EYS: variants seen among roughly 807,000 people sequenced by gnomAD.
EYS encodes the protein protein eyes shut homolog.
In EYS, 250 loss-of-function variants were observed where a neutral mutation model predicts 282.1. The ratio of observed to expected loss-of-function variants is 0.89; its 90% confidence interval spans 0.80 to 0.98. The LOEUF (loss-of-function observed/expected upper bound fraction) is 0.98, where lower values mean the gene tolerates loss of function less well. Ranked by LOEUF, EYS falls within the 50% of genes least tolerant of loss-of-function variation. EYS has a pLI of 0.00. For synonymous variants in EYS, 1,355 were observed against 1,282.9 expected, an observed-to-expected ratio of 1.06 and a Z score of -1.20; for missense variants, 4,016 against 3,709.0, an observed-to-expected ratio of 1.08 and a Z score of -2.15.
intron 22 of EYS, among the ~76,000 whole-genome samples, chr6:64,775,579 T>A (rs1274495292): frequency 3.3e-5 from 5 of 152,070 alleles, no homozygotes; most frequent in Non-Finnish European, 7.4e-5. Flanking sequence ...TTCATGTTAA[T>A]CCTCTTTTCT....
chr6:65,232,236 C>A (rs79384338), intron 12 of EYS, among the ~76,000 whole-genome samples: 5,592 of 151,970 alleles, frequency 0.037, 335 homozygotes, highest in African/African-American at 0.12. Context: ...ACTGTGGGTG[C>A]AGATATAATG....
chr6:63,952,756 C>G (rs909144946), intron 35 of EYS, among the ~76,000 whole-genome samples: 1 of 152,170 alleles, frequency 6.6e-6, no homozygotes, highest in African/African-American at 2.4e-5. Context: ...CCTTGTATCT[C>G]CCCACCTTAA....
chr6:64,185,130 C>T (rs1341476048), intron 31 of EYS, among the ~76,000 whole-genome samples: 1 of 152,046 alleles, frequency 6.6e-6, no homozygotes, highest in Non-Finnish European at 1.5e-5. Flanking sequence ...CCAAATCTGC[C>T]AGTACCTTGC....
intron 22 of EYS, among the ~76,000 whole-genome samples, chr6:64,706,207 A>C (rs889545186): frequency 1.3e-5 from 2 of 152,086 alleles, no homozygotes; most frequent in Admixed American, 1.3e-4. Context: ...GCAAACAAAA[A>C]CATTAAGTGG....
At chr6:64,980,364 C>T (rs995041863) in intron 14 of EYS, among the ~76,000 whole-genome samples, 1 of 151,320 alleles carries the variant, frequency 6.6e-6, no homozygotes, top group African/African-American at 2.4e-5. Flanking sequence ...GAAATGGCCC[C>T]AATTTGTGAT....
rs111925836 is a variant in EYS at position 64,652,535 on chromosome 6, G to C, written c.3444-26290C>G. On this transcript the variant is annotated intron_variant, in intron 22 of 42. Coordinates refer to ENST00000503581, the MANE Select transcript of EYS (RefSeq NM_001142800.2). ...GGAAGGAAACCCTAAGGCCTAGAGAGAAACTACAACCCCAACAAACACTCT... is the reference window on the plus strand; with the variant it reads ...GGAAGGAAACCCTAAGGCCTAGAGACAAACTACAACCCCAACAAACACTCT... 5.6e-3 allele frequency among the ~76,000 whole-genome samples: 856 copies of C among 152,220 alleles called. 14 individuals carry two copies. The highest frequency in any genetic ancestry group is 0.01 in the Middle Eastern group (3 of 294).
At chr6:65,181,434 G>T (rs1581989897) in intron 12 of EYS, among the ~76,000 whole-genome samples, 1 of 152,286 alleles carries the variant, frequency 6.6e-6, no homozygotes, top group East Asian at 1.9e-4. Context: ...AGACATTTAT[G>T]CAGCCAAAAG....
At chr6:63,835,283 T>C (rs1771773642) in intron 36 of EYS, among the ~76,000 whole-genome samples, 1 of 151,302 alleles carries the variant, frequency 6.6e-6, no homozygotes, top group Non-Finnish European at 1.5e-5. Flanking sequence ...ATATATACTC[T>C]CTATATACTA....
intron 22 of EYS, among the ~76,000 whole-genome samples, chr6:64,660,275 A>C (rs1465226934): frequency 6.6e-6 from 1 of 152,108 alleles, no homozygotes; most frequent in Non-Finnish European, 1.5e-5. Flanking sequence ...CCCACAGCCA[A>C]TATCATACTG....
At chr6:64,080,300 C>T (rs373648682) in intron 32 of EYS, among the ~76,000 whole-genome samples, 161 of 151,778 alleles carry the variant, frequency 1.1e-3, no homozygotes, top group Non-Finnish European at 1.5e-3. Flanking sequence ...TGCATTTCTC[C>T]GATGGCCAGT....
chr6:64,109,005 G>A (rs1038990188), intron 31 of EYS, among the ~76,000 whole-genome samples: 2 of 152,036 alleles, frequency 1.3e-5, no homozygotes, highest in Non-Finnish European at 2.9e-5. Context: ...TAAAGGTCAC[G>A]TAACACTCTC....
intron 31 of EYS, among the ~76,000 whole-genome samples, chr6:64,155,034 G>A (rs1029107683): frequency 6.6e-6 from 1 of 152,140 alleles, no homozygotes; most frequent in South Asian, 2.1e-4. Flanking sequence ...GCTTTCTAAA[G>A]GGCTCCAGAG....
chr6:65,340,986 A>G (rs961624242), intron 10 of EYS, among the ~76,000 whole-genome samples: 3 of 151,074 alleles, frequency 2.0e-5, no homozygotes, highest in African/African-American at 7.3e-5. Context: ...TTTTTCATCA[A>G]CTTCACAAAT....
intron 14 of EYS, among the ~76,000 whole-genome samples, chr6:64,962,838 AT>A (rs1769970554): frequency 6.6e-6 from 1 of 152,198 alleles, no homozygotes; most frequent in Non-Finnish European, 1.5e-5. Flanking sequence ...GTATATCTTA[AT>A]TAAAAAATGA....
intron 22 of EYS, among the ~76,000 whole-genome samples, chr6:64,807,686 AC>A (rs1025974007): frequency 1.2e-4 from 18 of 152,140 alleles, no homozygotes; most frequent in African/African-American, 4.1e-4. Flanking sequence ...AACATACATT[AC>A]TAAAAATAAG....
intron 14 of EYS, among the ~76,000 whole-genome samples, chr6:64,947,287 A>G (rs1035651059): frequency 3.9e-5 from 6 of 151,958 alleles, no homozygotes; most frequent in African/African-American, 1.4e-4. Context: ...AAACATAACA[A>G]TGAAACATGA....
At position 63,984,615 on chromosome 6, in the gene EYS, G is replaced by A. The variant is rs1420922434; in HGVS notation, c.6835-12C>T. The A allele has an allele frequency of 6.6e-7, 1 of 1,513,754 alleles. No homozygotes were observed. The highest frequency in any genetic ancestry group is 9.0e-7 in the Non-Finnish European group (1 of 1,114,756). 93.8% of individuals were successfully genotyped at this position (1,513,754 alleles called of 1,614,324 possible). A position where few individuals can be genotyped will look rare whatever the true frequency, so the allele number is the denominator to read the frequency against. ...GATTCAAAATATGCCTGTAGAAAAA[G>A]TAACAACAAAAAATATTATAGGTTG... On this transcript the variant is annotated splice_polypyrimidine_tract_variant and intron_variant, in intron 34 of 42. Transcript: ENST00000503581.
intron 13 of EYS, among the ~76,000 whole-genome samples, chr6:65,042,292 T>C (rs903267065): frequency 7.9e-5 from 12 of 151,690 alleles, no homozygotes; most frequent in Non-Finnish European, 1.8e-4. Context: ...TGGGCCTTGA[T>C]TTTTTTATCC....
At chr6:64,978,241 T>A (rs1380162649) in intron 14 of EYS, among the ~76,000 whole-genome samples, 1 of 151,880 alleles carries the variant, frequency 6.6e-6, no homozygotes, top group Non-Finnish European at 1.5e-5. Context: ...TTGAAGCCAG[T>A]GTTCATTTAC....
Sources: allele counts gnomAD v4.1 joint callset (sites outside exome capture counted in the v4.1 genomes callset), GRCh38; gene constraint gnomAD v4.1.1; transcripts MANE v1.5; gene names NCBI Gene and HGNC (gene_info 2026-07-23, HGNC 2026-07-21).